Variants in CLEC16A observed in about 807,000 individuals in gnomAD.
The protein encoded by CLEC16A is protein CLEC16A.
A neutral mutation model predicts 109.5 loss-of-function variants in CLEC16A; 51 were observed. The observed-to-expected ratio is 0.47, with a 90% CI of 0.37 to 0.59. The LOEUF is 0.59. Among genes scored for constraint, CLEC16A ranks in the 20% least tolerant of loss-of-function variants. The pLI is 0.00. For synonymous variants in CLEC16A, 673 were observed against 564.2 expected (o/e 1.19, Z -2.73); for missense variants, 1,339 against 1,394.0 (o/e 0.96, Z 0.63).
chr16:11,159,338 C>T (rs2054639251), intron 22 of CLEC16A, among the ~76,000 whole-genome samples: 1 of 152,208 alleles, frequency 6.6e-6, no homozygotes, highest in Non-Finnish European at 1.5e-5. Flanking sequence ...TAAAGGGAAA[C>T]AGATGACAGA....
At chr16:11,066,006 C>A (rs2048734773) in intron 19 of CLEC16A, among the ~76,000 whole-genome samples, 1 of 152,296 alleles carries the variant, frequency 6.6e-6, no homozygotes, top group East Asian at 1.9e-4. Flanking sequence ...TCGAGCTGCA[C>A]TGGGGGCTAG....
At chr16:11,072,586 C>G (rs932477121) in intron 19 of CLEC16A, among the ~76,000 whole-genome samples, 8 of 152,256 alleles carry the variant, frequency 5.3e-5, no homozygotes, top group African/African-American at 1.9e-4. Context: ...GGTTTTAACT[C>G]CTGCTGTGTG....
At position 11,077,894 on chromosome 16, in the gene CLEC16A, G is replaced by A. The variant is rs547313161; in HGVS notation, c.2116+16872G>A. Among the ~76,000 whole-genome samples, 7 of 151,980 alleles carry A rather than the reference G, an allele frequency of 4.6e-5. No individual in the cohort carries two copies. In the East Asian group the frequency reaches 7.7e-4, roughly 17 times the overall value. On this transcript the variant is annotated intron_variant, in intron 19 of 23. Transcript: ENST00000409790. Reference sequence around the variant, plus strand: ...AGCACTTTGGGAGGCTGAGGCAGGCGGATCACTTGAGGCTAGGAGTTATGA... The same window carrying A: ...AGCACTTTGGGAGGCTGAGGCAGGCAGATCACTTGAGGCTAGGAGTTATGA...
intron 7 of CLEC16A, among the ~76,000 whole-genome samples, chr16:10,976,851 C>T (rs899990700): frequency 2.0e-5 from 3 of 152,214 alleles, no homozygotes; most frequent in Non-Finnish European, 4.4e-5. Flanking sequence ...CTGCTTTTCT[C>T]TTTAGAACTC....
chr16:11,172,468 G>A (rs1376848003), intron 23 of CLEC16A, among the ~76,000 whole-genome samples: 1 of 152,204 alleles, frequency 6.6e-6, no homozygotes, highest in African/African-American at 2.4e-5. Flanking sequence ...CATTCCAAGT[G>A]AACTACCTTG....
At chr16:11,033,718 C>A (rs11860777) in intron 13 of CLEC16A, among the ~76,000 whole-genome samples, 35,159 of 152,072 alleles carry the variant, frequency 0.23, 6,088 homozygotes, top group African/African-American at 0.49. Context: ...AAGCCACGTT[C>A]ATAAAAACCA....
Position 11,028,543 on chromosome 16 carries a change from G to GA in CLEC16A, c.1537+3637dup, listed in dbSNP as rs577834995. ...TAAAGGTTCACTTGTCTCTGCTGTG[G>GA]AAAAAAAAAAAAAAAGAAGCTCTAA... On this transcript the variant is annotated intron_variant, in intron 13 of 23. Coordinates refer to ENST00000409790, the MANE Select transcript of CLEC16A (RefSeq NM_015226.3). Among the ~76,000 whole-genome samples the GA allele has an allele frequency of 5.5e-3, 683 of 123,200 alleles. 1 individual carries two copies. The highest frequency in any genetic ancestry group is 0.012 in the South Asian group (43 of 3,716). The allele number at this position is 123,200 out of a possible 152,430, so 80.8% of individuals were successfully genotyped here. A position where few individuals can be genotyped will look rare whatever the true frequency, so the allele number is the denominator to read the frequency against.
intron 3 of CLEC16A, among the ~76,000 whole-genome samples, chr16:10,966,346 T>C (rs941171088): frequency 2.6e-5 from 4 of 152,198 alleles, no homozygotes; most frequent in African/African-American, 9.7e-5. Flanking sequence ...ATAAGGTTCA[T>C]GGACAGGCAA....
At chr16:11,028,617 C>T (rs1313117434) in intron 13 of CLEC16A, among the ~76,000 whole-genome samples, 2 of 150,468 alleles carry the variant, frequency 1.3e-5, no homozygotes, top group Non-Finnish European at 3.0e-5. Context: ...ATTTTTTAAG[C>T]AAATCAGCTT....
chr16:10,998,125 T>C (rs1441411929), intron 10 of CLEC16A, among the ~76,000 whole-genome samples: 1 of 152,206 alleles, frequency 6.6e-6, no homozygotes, highest in African/African-American at 2.4e-5. Context: ...GGATTCACCT[T>C]TCCCAAAGTG....
chr16:11,123,565 G>A (rs535702684), intron 20 of CLEC16A, among the ~76,000 whole-genome samples, 177 bp from the exon 21 acceptor site: 1 of 152,302 alleles, frequency 6.6e-6, no homozygotes, highest in Non-Finnish European at 1.5e-5. Flanking sequence ...CTCCCACTGG[G>A]CCTGGTCTGC....
intron 14 of CLEC16A, chr16:11,040,436 C>T (rs575218646): frequency 6.5e-6 from 1 of 152,992 alleles, no homozygotes; most frequent in African/African-American, 2.4e-5. Flanking sequence ...GGAGCCGAGA[C>T]CACCCAGTCC....
intron 10 of CLEC16A, among the ~76,000 whole-genome samples, chr16:10,997,949 C>T (rs550993090): frequency 4.6e-5 from 7 of 152,302 alleles, no homozygotes; most frequent in South Asian, 2.1e-4. Flanking sequence ...TGTACCCACA[C>T]CTGGTGGAAC....
intron 19 of CLEC16A, among the ~76,000 whole-genome samples, chr16:11,119,173 T>G (rs2052220602): frequency 6.6e-6 from 1 of 152,090 alleles, no homozygotes; most frequent in Admixed American, 6.6e-5. Flanking sequence ...CTAATTTTTT[T>G]TATTTTTTGG....
At chr16:10,986,037 TTTTTTTTTTTTG>T (rs1199283479) in intron 10 of CLEC16A, among the ~76,000 whole-genome samples, 43 of 98,544 alleles carry the variant, frequency 4.4e-4, no homozygotes, top group Admixed American at 1.0e-3. Context: ...TTTTTTTTTT[TTTTTTTTTTTTG>T]AGACTGAGTC....
chr16:10,969,194 T>C lies in CLEC16A; in HGVS notation c.377T>C (p.Ile126Thr). 1 of 1,610,550 alleles carries C rather than the reference T, an allele frequency of 6.2e-7. No homozygotes were observed. The highest frequency in any genetic ancestry group is 8.5e-7 in the Non-Finnish European group (1 of 1,177,604). ...YLLSNNYVNSIIVHKFDFSDE... is the reference protein window; with the variant it reads ...YLLSNNYVNSTIVHKFDFSDE... The stretch of plus-strand genomic sequence containing the variant: ...CTCTCAAATAACTACGTAAATTCTA[T>C]CATCGTTCATAAATTTGACTTTTCT... Residue 126 changes from isoleucine (I) to threonine (T), a missense_variant, in exon 4 of 24, where the codon ATC (isoleucine) becomes ACC (threonine). Ile to Thr is a moderately conservative substitution (Grantham distance 89, BLOSUM62 -1). Around this residue, in one of 3 missense-constraint regions of CLEC16A, gnomAD observed 161 missense variants for 267.1 expected, o/e 0.60. Coordinates refer to ENST00000409790, the MANE Select transcript of CLEC16A (RefSeq NM_015226.3).
intron 22 of CLEC16A, chr16:11,149,914 C>A (rs2153078041): frequency 6.6e-6 from 1 of 152,274 alleles, no homozygotes; most frequent in South Asian, 2.1e-4. Context: ...GCATTTCATA[C>A]ATGTGCCAGA....
rs41363 is a variant in CLEC16A at position 11,172,813 on chromosome 16, C to T, written c.2807-5522C>T. ...CTGAGGCAGAAGAATTGCTTGAACC[C>T]GGGAGGCAGAGGTTGCAGTGAGCCG... On this transcript the variant is annotated intron_variant, in intron 23 of 23. Transcript: ENST00000409790. Among the ~76,000 whole-genome samples the T allele has an allele frequency of 3.9e-5, 6 of 152,204 alleles. No individual in the cohort carries two copies. The South Asian group carries it at 8.3e-4, about 21-fold the overall frequency.
intron 23 of CLEC16A, 90 bp downstream of exon 23, chr16:11,166,642 C>T: frequency 1.0e-5 from 13 of 1,297,424 alleles, no homozygotes; most frequent in Non-Finnish European, 1.3e-5. Context: ...CCAGGTCCTC[C>T]TTGTCACAGC....
Sources: gnomAD v4.1 joint callset for allele counts (sites outside exome capture counted in the v4.1 genomes callset) on GRCh38, gnomAD v4.1.1 for gene constraint, gnomAD v4.1.1 regional missense constraint, MANE v1.5 for transcripts, NCBI Gene and HGNC (gene_info 2026-07-23, HGNC 2026-07-21) for gene names.